FOXO3: variants seen among roughly 807,000 people sequenced by gnomAD.
FOXO3 encodes the protein forkhead box protein O3.
Under a neutral mutation model 41.9 loss-of-function variants are expected in FOXO3, and 4 were observed. That is an observed-to-expected ratio of 0.10 (90% CI 0.05 to 0.22). FOXO3 has a LOEUF of 0.22. FOXO3 is among the 10% of genes least tolerant of loss of function. The probability of loss-of-function intolerance (pLI) is 1.00; values close to 1 mark genes in which losing one functional copy is unlikely to be tolerated. For synonymous variants in FOXO3, 318 were observed against 389.3 expected (o/e 0.82, Z 2.16); for missense variants, 534 against 906.8 (o/e 0.59, Z 5.28).
intron 1 of FOXO3, among the ~76,000 whole-genome samples, chr6:108,613,335 C>T (rs377241175): frequency 2.3e-4 from 35 of 149,260 alleles, no homozygotes; most frequent in Admixed American, 8.2e-4. Flanking sequence ...TAGAATTCAA[C>T]GGCAGTTAAG....
At chr6:108,579,044 A>G (rs1315413140) in intron 1 of FOXO3, among the ~76,000 whole-genome samples, 2 of 152,208 alleles carry the variant, frequency 1.3e-5, no homozygotes, top group South Asian at 2.1e-4. Flanking sequence ...AAATAGTGCA[A>G]AACACAGTGG....
chr6:108,648,812 TAGTG>T (rs1778464262), intron 1 of FOXO3, among the ~76,000 whole-genome samples: 1 of 151,418 alleles, frequency 6.6e-6, no homozygotes, highest in Non-Finnish European at 1.5e-5. Context: ...CTGGAAAACA[TAGTG>T]AGACCCCATC....
intron 1 of FOXO3, among the ~76,000 whole-genome samples, chr6:108,646,149 G>A (rs1778386241): frequency 6.6e-6 from 1 of 152,132 alleles, no homozygotes; most frequent in Admixed American, 6.5e-5. Flanking sequence ...GCCAAAAGGA[G>A]GAAAAACAGC....
chr6:108,643,647 G>T (rs904089821), intron 1 of FOXO3, among the ~76,000 whole-genome samples: 12 of 152,128 alleles, frequency 7.9e-5, no homozygotes, highest in Non-Finnish European at 1.8e-4. Context: ...TTTCCTTTTT[G>T]ACCAGAATGT....
At chr6:108,619,572 C>T (rs1777609895) in intron 1 of FOXO3, among the ~76,000 whole-genome samples, 1 of 152,228 alleles carries the variant, frequency 6.6e-6, no homozygotes. Flanking sequence ...ATAGTGTATT[C>T]TCAGATGTAA....
chr6:108,651,451 G>A (rs1156354201), intron 1 of FOXO3, among the ~76,000 whole-genome samples: 2 of 152,138 alleles, frequency 1.3e-5, no homozygotes, highest in African/African-American at 4.8e-5. Flanking sequence ...GTGTGACTGT[G>A]CCCACACACT....
At chr6:108,567,892 C>T (rs901357368) in intron 1 of FOXO3, among the ~76,000 whole-genome samples, 4 of 152,064 alleles carry the variant, frequency 2.6e-5, no homozygotes, top group Non-Finnish European at 5.9e-5. Flanking sequence ...ACTAAAAGTA[C>T]AAAAAGCTAG....
At chr6:108,606,088 A>G (rs1777192339) in intron 1 of FOXO3, among the ~76,000 whole-genome samples, 1 of 152,238 alleles carries the variant, frequency 6.6e-6, no homozygotes, top group African/African-American at 2.4e-5. Context: ...CAGAACAATT[A>G]TAATTTAAAA....
At chr6:108,625,998 C>T (rs1582792008) in intron 1 of FOXO3, among the ~76,000 whole-genome samples, 3 of 152,174 alleles carry the variant, frequency 2.0e-5, no homozygotes, top group Non-Finnish European at 2.9e-5. Context: ...TCTGCTTTTC[C>T]TCTCAGTTCT....
chr6:108,609,148 C>T (rs1409441919), intron 1 of FOXO3, among the ~76,000 whole-genome samples: 1 of 152,180 alleles, frequency 6.6e-6, no homozygotes, highest in African/African-American at 2.4e-5. Context: ...TGTTGTAATT[C>T]ACATTCAGTA....
At chr6:108,585,127 C>T (rs1032202781) in intron 1 of FOXO3, among the ~76,000 whole-genome samples, 1 of 144,794 alleles carries the variant, frequency 6.9e-6, no homozygotes, top group Admixed American at 7.4e-5. Context: ...CTGCAAGCTC[C>T]GCTTCCTGGG....
chr6:108,678,413 A>G (rs1475923037), intron 2 of FOXO3, among the ~76,000 whole-genome samples: 2 of 151,808 alleles, frequency 1.3e-5, no homozygotes, highest in Non-Finnish European at 2.9e-5. Flanking sequence ...TGCCAACACT[A>G]TCTCCATAAA....
intron 1 of FOXO3, among the ~76,000 whole-genome samples, chr6:108,653,494 C>G (rs945919113): frequency 6.6e-6 from 1 of 152,178 alleles, no homozygotes; most frequent in African/African-American, 2.4e-5. Context: ...TCTGTTGACA[C>G]TTAGGAGCTG....
rs925911836 is a variant in FOXO3, at chr6:108,566,165, T to C, written c.621+4336T>C. On this transcript the variant is annotated intron_variant, in intron 1 of 2. Coordinates refer to ENST00000406360, the MANE Select transcript of FOXO3 (RefSeq NM_001455.4). ...ACCTCTGAAGTGAAGAAATTGGCCC[T>C]TTTAGACTTTGATCTGTGAGTCCCA... 3.9e-5 allele frequency among the ~76,000 whole-genome samples: 6 copies of C among 152,320 alleles called. No individual in the cohort carries two copies. In the East Asian group the frequency reaches 1.2e-3, roughly 29 times the overall value.
At chr6:108,570,301 C>G (rs928886330) in intron 1 of FOXO3, among the ~76,000 whole-genome samples, 1 of 151,460 alleles carries the variant, frequency 6.6e-6, no homozygotes, top group South Asian at 2.1e-4. Context: ...ACCCGGCTCC[C>G]TTGTGTATTT....
At chr6:108,676,263 C>T (rs1770585106) in intron 2 of FOXO3, among the ~76,000 whole-genome samples, 1 of 152,226 alleles carries the variant, frequency 6.6e-6, no homozygotes, top group Non-Finnish European at 1.5e-5. Flanking sequence ...TGTTAATTGG[C>T]ATATTGCCTA....
chr6:108,584,923 A>C (rs73517981), intron 1 of FOXO3, among the ~76,000 whole-genome samples: 1,803 of 149,926 alleles, frequency 0.012, 52 homozygotes, highest in African/African-American at 0.042. Flanking sequence ...GGTAGCCTGC[A>C]CAGGGTGGTA....
At chr6:108,656,815 T>C (rs1745529125) in intron 1 of FOXO3, among the ~76,000 whole-genome samples, 1 of 152,260 alleles carries the variant, frequency 6.6e-6, no homozygotes, top group African/African-American at 2.4e-5. Context: ...AGTTAGCATG[T>C]ATGTAGAGAT....
chr6:108,649,232 A>G (rs1562257493), intron 1 of FOXO3, among the ~76,000 whole-genome samples: 1 of 152,240 alleles, frequency 6.6e-6, no homozygotes, highest in African/African-American at 2.4e-5. Context: ...TGGGTTGTGC[A>G]GGAACCTTGA....
Sources: gnomAD v4.1 joint callset for allele counts (sites outside exome capture counted in the v4.1 genomes callset) on GRCh38, gnomAD v4.1.1 for gene constraint, MANE v1.5 for transcripts, NCBI Gene and HGNC (gene_info 2026-07-23, HGNC 2026-07-21) for gene names.